Variants in DST observed in about 807,000 individuals in gnomAD.
DST encodes the protein bullous pemphigoid antigen.
A neutral mutation model predicts 875.2 loss-of-function variants in DST; 253 were observed. The ratio of observed to expected loss-of-function variants is 0.29; its 90% CI spans 0.26 to 0.32. The LOEUF (loss-of-function observed/expected upper bound fraction) is 0.32. Ranked by LOEUF, DST falls within the 10% of genes least tolerant of loss-of-function variation. The pLI is 1.00. For synonymous variants in DST, 3,124 were observed against 3,197.1 expected (o/e 0.98, Z 0.77); for missense variants, 8,287 against 9,111.6 (o/e 0.91, Z 3.68).
intron 3 of DST, among the ~76,000 whole-genome samples, chr6:56,867,204 C>T (rs531237938): frequency 2.6e-5 from 4 of 152,306 alleles, no homozygotes; most frequent in African/African-American, 9.6e-5. Flanking sequence ...GGACTTTGGA[C>T]AAACTACTTA....
chr6:56,531,874 C>T (rs74948333), intron 64 of DST, among the ~76,000 whole-genome samples: 8,506 of 123,480 alleles, frequency 0.069, 308 homozygotes, highest in East Asian at 0.18. Context: ...TAAAACTTAG[C>T]TTAACTGTCA....
intron 2 of DST, among the ~76,000 whole-genome samples, 174 bp downstream of exon 2, chr6:56,953,611 C>G (rs79318542): frequency 2.7e-3 from 409 of 152,310 alleles, no homozygotes; most frequent in African/African-American, 9.5e-3. Flanking sequence ...TTGCTAAAAC[C>G]GTTCGCTGGG....
chr6:56,618,187 C>A, intron 36 of DST: 1 of 1,614,148 alleles, frequency 6.2e-7, no homozygotes, highest in Non-Finnish European at 8.5e-7. Context: ...GCTGGCTTTT[C>A]TCTTTCTCGA....
At chr6:56,518,450 A>T (rs2096636460) in intron 69 of DST, among the ~76,000 whole-genome samples, 1 of 146,470 alleles carries the variant, frequency 6.8e-6, no homozygotes, top group African/African-American at 2.5e-5. Flanking sequence ...TAGTATGAAC[A>T]TTTCCCATGT....
chr6:56,888,994 T>C (rs1306854291), intron 3 of DST, among the ~76,000 whole-genome samples: 2 of 152,152 alleles, frequency 1.3e-5, no homozygotes, highest in African/African-American at 2.4e-5. Flanking sequence ...CTAAAATGAA[T>C]AGCCTTAAAT....
At chr6:56,726,943 T>C (rs563216298) in intron 5 of DST, among the ~76,000 whole-genome samples, 11 of 152,354 alleles carry the variant, frequency 7.2e-5, no homozygotes, top group African/African-American at 1.9e-4. Flanking sequence ...GCTTTGAGTC[T>C]AGTTTTGAAT....
At position 56,720,967 on chromosome 6, in the gene DST, C is replaced by T. The variant is rs566774952; in HGVS notation, c.687+14261G>A. Among the ~76,000 whole-genome samples, 19 of 151,668 alleles carry T rather than the reference C, an allele frequency of 1.3e-4. 1 individual carries two copies. In the South Asian group the frequency reaches 2.3e-3, roughly 18 times the overall value. On this transcript the variant is annotated intron_variant, in intron 5 of 103. Transcript: ENST00000680361. ...CCCCCCACCCCCCAGACGGGGCAGC[C>T]GGGCAGAGGCGCCCCCCGCCACCTT...
chr6:56,788,413 C>T (rs1177729414), intron 4 of DST, among the ~76,000 whole-genome samples: 1 of 152,000 alleles, frequency 6.6e-6, no homozygotes, highest in Non-Finnish European at 1.5e-5. Flanking sequence ...AACTCCTGAA[C>T]TCAAGTGATC....
chr6:56,784,810 A>G (rs1413558199), intron 4 of DST, among the ~76,000 whole-genome samples: 4 of 152,174 alleles, frequency 2.6e-5, no homozygotes, highest in African/African-American at 9.7e-5. Context: ...TCTGCTTTTT[A>G]GAGTTTCCAG....
intron 87 of DST, 139 bp from the exon 88 acceptor site, chr6:56,485,610 CTCT>C: frequency 1.2e-6 from 1 of 846,214 alleles, no homozygotes; most frequent in Non-Finnish European, 1.8e-6. Context: ...TGTTTCTTTG[CTCT>C]TCTTAGGAAA....
chr6:56,762,133 GT>G (rs2099618651), intron 4 of DST, among the ~76,000 whole-genome samples: 1 of 152,006 alleles, frequency 6.6e-6, no homozygotes, highest in Admixed American at 6.6e-5. Context: ...CAATTCTCCT[GT>G]TTCAGCCTCC....
At chr6:56,924,300 A>C (rs566398354) in intron 2 of DST, among the ~76,000 whole-genome samples, 3 of 152,302 alleles carry the variant, frequency 2.0e-5, no homozygotes, top group Non-Finnish European at 4.4e-5. Flanking sequence ...GGAACGATAA[A>C]CATAAAACTG....
At chr6:56,576,440 G>A (rs1325357573) in intron 50 of DST, among the ~76,000 whole-genome samples, 4 of 152,114 alleles carry the variant, frequency 2.6e-5, no homozygotes, top group African/African-American at 9.7e-5. Context: ...ATCTGAAGTG[G>A]GGGGCAGCAT....
At chr6:56,883,149 T>C (rs1562280691) in intron 3 of DST, among the ~76,000 whole-genome samples, 1 of 152,226 alleles carries the variant, frequency 6.6e-6, no homozygotes, top group Non-Finnish European at 1.5e-5. Flanking sequence ...ATTACAGGTG[T>C]GAGCCACCAC....
chr6:56,949,071 G>C (rs1821073082), intron 2 of DST, among the ~76,000 whole-genome samples: 5 of 152,130 alleles, frequency 3.3e-5, no homozygotes, highest in Admixed American at 3.3e-4. Context: ...CTTACATTAT[G>C]CCAATAATTA....
intron 48 of DST, 34 bp downstream of exon 48, chr6:56,593,629 T>G (rs751548182): frequency 2.2e-5 from 32 of 1,449,008 alleles, no homozygotes; most frequent in Non-Finnish European, 2.8e-5. Flanking sequence ...AATTGCAGAT[T>G]GACTTTTCCC....
chr6:56,750,477 G>A (rs919193278), intron 4 of DST, among the ~76,000 whole-genome samples: 14 of 152,162 alleles, frequency 9.2e-5, no homozygotes, highest in Non-Finnish European at 1.8e-4. Context: ...AATAATATAC[G>A]CTTCTTTATT....
At chr6:56,486,783 C>T (rs567712052) in intron 87 of DST, among the ~76,000 whole-genome samples, 3 of 152,070 alleles carry the variant, frequency 2.0e-5, no homozygotes, top group Middle Eastern at 3.4e-3. Flanking sequence ...AAAGACTATC[C>T]AGTAGTTATG....
intron 4 of DST, among the ~76,000 whole-genome samples, chr6:56,778,017 T>G (rs779613056): frequency 1.3e-5 from 2 of 152,132 alleles, no homozygotes; most frequent in Non-Finnish European, 2.9e-5. Context: ...AGGAGTATTT[T>G]TAAATGCAAA....
Sources: allele counts gnomAD v4.1 joint callset (sites outside exome capture counted in the v4.1 genomes callset), GRCh38; gene constraint gnomAD v4.1.1; transcripts MANE v1.5; gene names NCBI Gene and HGNC (gene_info 2026-07-23, HGNC 2026-07-21).